Variants in CCNY observed in about 807,000 individuals in gnomAD.
CCNY encodes the protein cyclin Y.
CCNY carries 19 observed loss-of-function variants against 42.8 expected under a neutral mutation model. The observed-to-expected ratio is 0.44, with a 90% CI of 0.31 to 0.65. The LOEUF (loss-of-function observed/expected upper bound fraction) is 0.65, where lower values mean the gene tolerates loss of function less well. Among genes scored for constraint, CCNY ranks in the 30% least tolerant of loss-of-function variants. CCNY has a pLI of 0.07. For synonymous variants in CCNY, 165 were observed against 162.7 expected, an observed-to-expected ratio of 1.01 and a Z score of -0.11; for missense variants, 370 against 437.3, an observed-to-expected ratio of 0.85 and a Z score of 1.37.
At chr10:35,437,618 C>T (rs755165020) in intron 1 of CCNY, among the ~76,000 whole-genome samples, 31 of 151,912 alleles carry the variant, frequency 2.0e-4, no homozygotes, top group Admixed American at 5.2e-4. Context: ...CACACCACTA[C>T]GCTCCAGCAC....
At chr10:35,506,255 A>G (rs1840211539) in intron 3 of CCNY, among the ~76,000 whole-genome samples, 1 of 152,258 alleles carries the variant, frequency 6.6e-6, no homozygotes, top group Non-Finnish European at 1.5e-5. Flanking sequence ...TCAAATGTAT[A>G]GAAAAGTAAC....
At chr10:35,546,508 A>C (rs764076703) in intron 7 of CCNY, among the ~76,000 whole-genome samples, 1 of 152,258 alleles carries the variant, frequency 6.6e-6, no homozygotes, top group Non-Finnish European at 1.5e-5. Context: ...TAGAAAAATC[A>C]ACCGTGTATT....
chr10:35,545,011 G>A (rs995721291), intron 7 of CCNY, among the ~76,000 whole-genome samples: 7 of 152,332 alleles, frequency 4.6e-5, no homozygotes, highest in African/African-American at 1.7e-4. Context: ...GCAAGCATGT[G>A]TTCATGTGTG....
At chr10:35,565,155 TC>T (rs1250640503) in intron 8 of CCNY, among the ~76,000 whole-genome samples, 12 of 152,192 alleles carry the variant, frequency 7.9e-5, no homozygotes, top group Admixed American at 4.6e-4. Flanking sequence ...CATGAGAAGT[TC>T]TTAAAGTAGA....
chr10:35,475,043 A>T (rs1328582499), intron 1 of CCNY, among the ~76,000 whole-genome samples: 1 of 152,214 alleles, frequency 6.6e-6, no homozygotes, highest in Admixed American at 6.5e-5. Flanking sequence ...AAGAAAGGGT[A>T]TCAGCAATGG....
intron 3 of CCNY, among the ~76,000 whole-genome samples, chr10:35,502,555 T>C (rs576225870): frequency 2.0e-5 from 3 of 152,224 alleles, no homozygotes; most frequent in Non-Finnish European, 2.9e-5. Flanking sequence ...AGGAGACTGA[T>C]GACTTCTTTG....
intron 1 of CCNY, among the ~76,000 whole-genome samples, chr10:35,402,505 A>G (rs1032301878): frequency 7.2e-5 from 11 of 152,178 alleles, no homozygotes; most frequent in African/African-American, 2.7e-4. Flanking sequence ...AACAGTCTTC[A>G]TTTAAAAATA....
Position 35,538,811 on chromosome 10 carries a change from C to A in CCNY, c.579+8568C>A, listed in dbSNP as rs116648644. On this transcript the variant is annotated intron_variant, in intron 7 of 9. Transcript: ENST00000374704. The stretch of plus-strand genomic sequence containing the variant: ...CTTAGGTTTTTATTTTCACAAAGCC[C>A]AATGTATTTCTTTTGTCACTTGTGC... 9.7e-3 allele frequency among the ~76,000 whole-genome samples: 1,473 copies of A among 152,254 alleles called. 35 individuals carry two copies. Among genetic ancestry groups the A allele is most frequent in the African/African-American group, 0.034 (1,420 of 41,540 alleles).
chr10:35,346,690 G>A (rs1475576866), intron 1 of CCNY, among the ~76,000 whole-genome samples: 4 of 152,158 alleles, frequency 2.6e-5, no homozygotes, highest in Non-Finnish European at 5.9e-5. Context: ...GAGTGCAGTG[G>A]CGTTAGCTCA....
At chr10:35,554,194 G>A (rs2135452445) in intron 8 of CCNY, among the ~76,000 whole-genome samples, 1 of 152,158 alleles carries the variant, frequency 6.6e-6, no homozygotes, top group Admixed American at 6.5e-5. Context: ...GCAGACTCGT[G>A]GGCATGTGGG....
At chr10:35,560,272 G>T (rs1260100015) in intron 8 of CCNY, among the ~76,000 whole-genome samples, 2 of 152,194 alleles carry the variant, frequency 1.3e-5, no homozygotes, top group Non-Finnish European at 2.9e-5. Flanking sequence ...CACGAAGGCA[G>T]TGTTGCGGGG....
intron 3 of CCNY, among the ~76,000 whole-genome samples, chr10:35,502,189 T>G (rs1038037401): frequency 1.3e-5 from 2 of 152,190 alleles, no homozygotes; most frequent in Non-Finnish European, 2.9e-5. Context: ...CAGCACCTAC[T>G]CCACACCCTA....
chr10:35,448,318 TG>T (rs545918616), intron 1 of CCNY, among the ~76,000 whole-genome samples: 1 of 152,124 alleles, frequency 6.6e-6, no homozygotes, highest in Admixed American at 6.6e-5. Flanking sequence ...GGTGGGGACA[TG>T]GGTAGGGCCG....
At chr10:35,545,827 G>C (rs1841101764) in intron 7 of CCNY, among the ~76,000 whole-genome samples, 1 of 152,164 alleles carries the variant, frequency 6.6e-6, no homozygotes, top group Non-Finnish European at 1.5e-5. Flanking sequence ...ATATAAATGT[G>C]TATTCCAGGC....
intron 5 of CCNY, among the ~76,000 whole-genome samples, chr10:35,526,818 CCTT>C (rs1840662404): frequency 6.6e-6 from 1 of 152,098 alleles, no homozygotes; most frequent in Admixed American, 6.5e-5. Flanking sequence ...AAAGCGTCCT[CCTT>C]CGTTTTCATG....
At chr10:35,519,295 T>A (rs1840495681) in intron 4 of CCNY, among the ~76,000 whole-genome samples, 1 of 152,032 alleles carries the variant, frequency 6.6e-6, no homozygotes, top group African/African-American at 2.4e-5. Flanking sequence ...AGATCTTGAT[T>A]GAATCTGGCT....
intron 3 of CCNY, among the ~76,000 whole-genome samples, chr10:35,326,081 T>C (rs927018756): frequency 6.6e-6 from 1 of 151,896 alleles, no homozygotes; most frequent in Non-Finnish European, 1.5e-5. Flanking sequence ...GTCTCAAAAA[T>C]AAATAAATAA....
chr10:35,255,693 C>T (rs147373897), intron 3 of CCNY, among the ~76,000 whole-genome samples: 1,542 of 151,708 alleles, frequency 0.01, 19 homozygotes, highest in Admixed American at 0.031. Context: ...CTCCTGGGCT[C>T]AAGTGATCCT....
intron 3 of CCNY, among the ~76,000 whole-genome samples, chr10:35,501,973 G>A (rs1272317124): frequency 1.3e-5 from 2 of 152,158 alleles, no homozygotes; most frequent in Non-Finnish European, 1.5e-5. Context: ...TTGTTTGTGG[G>A]TCCAGTAGAG....
Sources: allele counts gnomAD v4.1 joint callset (sites outside exome capture counted in the v4.1 genomes callset), GRCh38; gene constraint gnomAD v4.1.1; transcripts MANE v1.5; gene names NCBI Gene and HGNC (gene_info 2026-07-23, HGNC 2026-07-21).